Variants in IFT43 observed in about 807,000 individuals in gnomAD.
IFT43 encodes intraflagellar transport 43, also known as intraflagellar transport protein 43 homolog.
Under a neutral mutation model 32.3 loss-of-function variants are expected in IFT43, and 33 were observed. The observed-to-expected ratio is 1.02, with a 90% CI of 0.77 to 1.37. The LOEUF is 1.37. IFT43 is among the 40% of genes most tolerant of loss of function. The probability of loss-of-function intolerance (pLI) is 0.00; values close to 1 mark genes in which losing one functional copy is unlikely to be tolerated. For synonymous variants in IFT43, 93 were observed against 98.2 expected (o/e 0.95, Z 0.31); for missense variants, 274 against 265.9 (o/e 1.03, Z -0.21).
At chr14:76,031,940 TGTTTATATTTCCAGCCCA>T (rs1307661333) in intron 3 of IFT43, among the ~76,000 whole-genome samples, 1 of 152,242 alleles carries the variant, frequency 6.6e-6, no homozygotes, top group Admixed American at 6.5e-5. Context: ...CCAGAATTTA[TGTTTATATTTCCAGCCCA>T]GTTCTCCTCC....
Position 76,000,354 on chromosome 14 carries a change from T to G in IFT43, c.147+11377T>G, listed in dbSNP as rs182378384. Among the ~76,000 whole-genome samples the G allele has an allele frequency of 4.3e-3, 645 of 150,864 alleles. 2 individuals carry two copies. The highest frequency in any genetic ancestry group is 7.3e-3 in the Admixed American group (110 of 15,076). On this transcript the variant is annotated intron_variant, in intron 2 of 8. Transcript: ENST00000314067. ...ATCTCGGCTCACCACAAGCTCCGCC[T>G]TCTGGATTCACGCCATTCTCCTGCC... is the stretch of plus-strand genomic sequence containing the variant.
chr14:75,991,012 A>G (rs1381557015), intron 2 of IFT43, among the ~76,000 whole-genome samples: 2 of 152,218 alleles, frequency 1.3e-5, no homozygotes, highest in Admixed American at 6.5e-5. Flanking sequence ...TCTCGTGATC[A>G]CTGGCACCCA....
In IFT43 at chr14:76,065,880, G is replaced by A. The variant is rs371804828; in HGVS notation, c.295+6507G>A. Among the ~76,000 whole-genome samples the A allele has an allele frequency of 2.9e-4, 44 of 152,290 alleles. 1 individual carries two copies. The highest frequency in any genetic ancestry group is 2.7e-3 in the South Asian group (13 of 4,826). ...ACCAGTCCTTCCACCTCGGTTTCCC[G>A]AAGTGCCGGACTACAGGCATATGCC... On this transcript the variant is annotated intron_variant, in intron 5 of 8. Coordinates refer to ENST00000314067, the MANE Select transcript of IFT43 (RefSeq NM_001102564.3).
At chr14:76,012,676 T>C (rs927747389) in intron 2 of IFT43, among the ~76,000 whole-genome samples, 9 of 152,246 alleles carry the variant, frequency 5.9e-5, no homozygotes, top group African/African-American at 1.9e-4. Context: ...ACTCCAGCTT[T>C]TAAGAGAGAA....
chr14:76,052,786 C>T lies in IFT43; in HGVS notation c.216-5856C>T, dbSNP rs1036183466. 4.6e-5 allele frequency among the ~76,000 whole-genome samples: 7 copies of T among 152,166 alleles called. No homozygotes were observed. The East Asian group carries it at 5.8e-4, about 13-fold the overall frequency. On this transcript the variant is annotated intron_variant, in intron 3 of 8. Coordinates refer to ENST00000314067, the MANE Select transcript of IFT43 (RefSeq NM_001102564.3). ...TTTTTTGCCATGATGCACACTGTTG[C>T]GTTGTAAATAAAACATATAATAAAT...
chr14:76,031,226 T>C (rs1221289926), intron 3 of IFT43, among the ~76,000 whole-genome samples: 1 of 152,092 alleles, frequency 6.6e-6, no homozygotes, highest in African/African-American at 2.4e-5. Context: ...ATTTTAAAAA[T>C]TGAGATTGCT....
intron 3 of IFT43, among the ~76,000 whole-genome samples, chr14:76,051,996 C>G (rs11851042): frequency 6.6e-6 from 1 of 152,290 alleles, no homozygotes; most frequent in South Asian, 2.1e-4. Flanking sequence ...GGGATGGACT[C>G]GCATAGGGCC....
At chr14:75,986,222 T>C (rs1257306025) in intron 1 of IFT43, 2 of 1,298,816 alleles carry the variant, frequency 1.5e-6, no homozygotes. Flanking sequence ...AGTTTTTCCT[T>C]TGGGACACCT....
chr14:76,010,426 T>C (rs1455802381), intron 2 of IFT43, among the ~76,000 whole-genome samples: 1 of 152,220 alleles, frequency 6.6e-6, no homozygotes, highest in Admixed American at 6.5e-5. Context: ...AACTTTATGC[T>C]TCTAGTTTCT....
chr14:75,999,269 ATATGTATATATATTTTTTTT>A (rs1205568001), intron 2 of IFT43, among the ~76,000 whole-genome samples: 2 of 24,250 alleles, frequency 8.2e-5, no homozygotes, highest in African/African-American at 4.7e-4. Context: ...ATATATATAT[ATATGTATATATATTTTTTTT>A]TTTTTTTTTT....
intron 3 of IFT43, among the ~76,000 whole-genome samples, chr14:76,044,541 T>A (rs1471837778): frequency 6.6e-6 from 1 of 151,878 alleles, no homozygotes; most frequent in Non-Finnish European, 1.5e-5. Flanking sequence ...GTATGCACAA[T>A]TGATTAAATC....
intron 2 of IFT43, among the ~76,000 whole-genome samples, chr14:75,999,264 TATATA>T (rs2035827919): frequency 2.7e-4 from 7 of 26,108 alleles, no homozygotes; most frequent in Middle Eastern, 0.013. Context: ...TATATATATA[TATATA>T]TATGTATATA....
chr14:76,076,095 A>G (rs1390781083), intron 5 of IFT43, among the ~76,000 whole-genome samples: 1 of 152,192 alleles, frequency 6.6e-6, no homozygotes, highest in Non-Finnish European at 1.5e-5. Flanking sequence ...ATGAGCCTTG[A>G]GCAGCCTGTG....
intron 3 of IFT43, among the ~76,000 whole-genome samples, chr14:76,050,558 G>A (rs1404184221): frequency 6.6e-6 from 1 of 152,192 alleles, no homozygotes; most frequent in African/African-American, 2.4e-5. Flanking sequence ...GTGGGCTGAA[G>A]TGATTCTCCC....
At chr14:76,049,171 C>A (rs1377980204) in intron 3 of IFT43, among the ~76,000 whole-genome samples, 1 of 152,232 alleles carries the variant, frequency 6.6e-6, no homozygotes, top group Non-Finnish European at 1.5e-5. Flanking sequence ...CACATGGTTT[C>A]TACTAGTCTC....
At chr14:76,012,876 A>G (rs890374684) in intron 2 of IFT43, among the ~76,000 whole-genome samples, 1 of 152,204 alleles carries the variant, frequency 6.6e-6, no homozygotes, top group Non-Finnish European at 1.5e-5. Context: ...ATTTCAGGAG[A>G]GTAATTTAAA....
At chr14:76,043,587 G>A (rs2036748418) in intron 3 of IFT43, among the ~76,000 whole-genome samples, 1 of 152,134 alleles carries the variant, frequency 6.6e-6, no homozygotes, top group East Asian at 1.9e-4. Flanking sequence ...TTTGACATGG[G>A]ACAACCTTGG....
At chr14:76,027,137 G>A (rs879369552) in intron 3 of IFT43, among the ~76,000 whole-genome samples, 36 of 152,156 alleles carry the variant, frequency 2.4e-4, no homozygotes, top group Middle Eastern at 3.4e-3. Flanking sequence ...TGGGTACTAG[G>A]CTTAATGTCA....
intron 5 of IFT43, among the ~76,000 whole-genome samples, chr14:76,071,600 A>G (rs1001916182): frequency 6.6e-6 from 1 of 152,222 alleles, no homozygotes; most frequent in Non-Finnish European, 1.5e-5. Context: ...GGGCAGCAGC[A>G]CCATCACACG....
Sources: allele counts gnomAD v4.1 joint callset (sites outside exome capture counted in the v4.1 genomes callset), GRCh38; gene constraint gnomAD v4.1.1; transcripts MANE v1.5; gene names NCBI Gene and HGNC (gene_info 2026-07-23, HGNC 2026-07-21).